Variants in PTPRD observed in about 807,000 individuals in gnomAD.
PTPRD encodes the protein protein tyrosine phosphatase receptor type D.
Under a neutral mutation model 214.5 loss-of-function variants are expected in PTPRD, and 34 were observed. That is an observed-to-expected ratio of 0.16 (90% CI 0.12 to 0.21). PTPRD has a LOEUF of 0.21. Ranked by LOEUF, PTPRD falls within the 10% of genes least tolerant of loss-of-function variation. The probability of loss-of-function intolerance (pLI) is 1.00; values close to 1 mark genes in which losing one functional copy is unlikely to be tolerated. For missense variants in PTPRD, 2,545 were observed against 2,398.7 expected (o/e 1.06, Z -1.27); for synonymous variants, 1,128 against 845.7 (o/e 1.33, Z -5.79).
In PTPRD at chr9:8,724,962, A is replaced by C. The variant is rs557753691; in HGVS notation, c.64+8818T>G. 5.9e-5 allele frequency among the ~76,000 whole-genome samples: 9 copies of C among 152,242 alleles called. No homozygotes were observed. The South Asian group carries it at 1.2e-3, about 21-fold the overall frequency. On this transcript the variant is annotated intron_variant, in intron 12 of 45. Coordinates refer to ENST00000381196, the MANE Select transcript of PTPRD (RefSeq NM_002839.4). The stretch of plus-strand genomic sequence containing the variant: ...CCAAAATAAATAATAATAATAGCTA[A>C]AAATAAGTGCATGTAAAAACTGGTA...
intron 3 of PTPRD, among the ~76,000 whole-genome samples, chr9:10,133,487 C>A (rs1044710129): frequency 6.6e-6 from 1 of 151,964 alleles, no homozygotes; most frequent in African/African-American, 2.4e-5. Flanking sequence ...AAAGCATATA[C>A]CTGTACGTTA....
intron 2 of PTPRD, among the ~76,000 whole-genome samples, chr9:10,579,688 C>A (rs997391449): frequency 1.3e-5 from 2 of 152,194 alleles, no homozygotes; most frequent in African/African-American, 4.8e-5. Context: ...AATCTCCAAA[C>A]TGCTTTCCAC....
At chr9:10,176,278 G>T (rs1432527300) in intron 3 of PTPRD, among the ~76,000 whole-genome samples, 1 of 148,382 alleles carries the variant, frequency 6.7e-6, no homozygotes, top group African/African-American at 2.5e-5. Context: ...TTTTTAATGT[G>T]TTTTTTTTTC....
At chr9:9,625,437 G>A (rs1215292587) in intron 7 of PTPRD, among the ~76,000 whole-genome samples, 3 of 152,102 alleles carry the variant, frequency 2.0e-5, no homozygotes, top group South Asian at 2.1e-4. Context: ...CCAGCGTCTG[G>A]GAGCTTCTGT....
chr9:8,946,878 T>C (rs2099067961), intron 11 of PTPRD, among the ~76,000 whole-genome samples: 1 of 151,824 alleles, frequency 6.6e-6, no homozygotes, highest in Non-Finnish European at 1.5e-5. Context: ...TTCTTAAGTC[T>C]CTCTCTTTTT....
At chr9:10,574,904 A>C (rs1404762493) in intron 2 of PTPRD, among the ~76,000 whole-genome samples, 1 of 151,548 alleles carries the variant, frequency 6.6e-6, no homozygotes, top group Non-Finnish European at 1.5e-5. Context: ...ATTTGTCTAC[A>C]AAAAAGAATT....
chr9:10,225,231 T>TA (rs1169196575), intron 3 of PTPRD, among the ~76,000 whole-genome samples: 1 of 151,930 alleles, frequency 6.6e-6, no homozygotes, highest in Non-Finnish European at 1.5e-5. Flanking sequence ...TATTTTATTT[T>TA]AAAAAATAGA....
chr9:10,504,277 A>T (rs1382814214), intron 2 of PTPRD, among the ~76,000 whole-genome samples: 1 of 152,032 alleles, frequency 6.6e-6, no homozygotes, highest in Non-Finnish European at 1.5e-5. Flanking sequence ...TAAAATGAAC[A>T]TCACTGCAAG....
chr9:10,190,496 T>A (rs1025150035), intron 3 of PTPRD, among the ~76,000 whole-genome samples: 4 of 145,862 alleles, frequency 2.7e-5, no homozygotes, highest in African/African-American at 1.0e-4. Flanking sequence ...GGCAGGTGGA[T>A]CACCTGAGGT....
intron 4 of PTPRD, among the ~76,000 whole-genome samples, chr9:9,960,558 A>G (rs1265275886): frequency 6.6e-6 from 1 of 152,120 alleles, no homozygotes; most frequent in Admixed American, 6.6e-5. Context: ...ATAGCATGAT[A>G]GCATGTACTT....
In PTPRD at chr9:9,893,187, G is replaced by A. The variant is rs144644195; in HGVS notation, c.-368+45320C>T. Among the ~76,000 whole-genome samples, 11 of 152,134 alleles carry A rather than the reference G, an allele frequency of 7.2e-5. No individual in the cohort carries two copies. The East Asian group carries it at 2.1e-3, about 29-fold the overall frequency. ...ATGGCTGCACACACTAAAGTACACA[G>A]ACTAGTGACACTACAAAGCAACCAC... is the stretch of plus-strand genomic sequence containing the variant. On this transcript the variant is annotated intron_variant, in intron 5 of 45. Transcript: ENST00000381196.
At chr9:8,636,998 T>G (rs1405740507) in intron 12 of PTPRD, among the ~76,000 whole-genome samples, 154 bp from the exon 13 acceptor site, 1 of 152,170 alleles carries the variant, frequency 6.6e-6, no homozygotes, top group African/African-American at 2.4e-5. Context: ...GAAAAGCATC[T>G]TTTACTTTTG....
intron 9 of PTPRD, among the ~76,000 whole-genome samples, chr9:9,216,429 C>G (rs2099952280): frequency 6.6e-6 from 1 of 152,128 alleles, no homozygotes; most frequent in South Asian, 2.1e-4. Context: ...TAATCCTGAG[C>G]CTAGGAATTT....
At chr9:9,947,563 TTTATATATATATTATATATATA>T (rs1208456120) in intron 4 of PTPRD, among the ~76,000 whole-genome samples, 4 of 41,086 alleles carry the variant, frequency 9.7e-5, no homozygotes, top group Non-Finnish European at 1.5e-4. Context: ...ATATATATAT[TTTATATATATATTATATATATA>T]TTATATATAT....
At chr9:10,377,998 G>T (rs933226212) in intron 2 of PTPRD, among the ~76,000 whole-genome samples, 7 of 151,990 alleles carry the variant, frequency 4.6e-5, no homozygotes, top group Non-Finnish European at 1.5e-5. Context: ...GTTCTCCATA[G>T]TGGTCGTATT....
At chr9:8,749,267 C>T (rs552653413) in intron 11 of PTPRD, among the ~76,000 whole-genome samples, 3 of 152,220 alleles carry the variant, frequency 2.0e-5, no homozygotes, top group South Asian at 2.1e-4. Flanking sequence ...CAGCAATTTC[C>T]GCCTCCGGGT....
chr9:9,500,828 A>G (rs1465234452), intron 8 of PTPRD, among the ~76,000 whole-genome samples: 1 of 152,072 alleles, frequency 6.6e-6, no homozygotes, highest in Non-Finnish European at 1.5e-5. Context: ...GTTACAATAG[A>G]TGTAGAATTG....
chr9:9,793,334 G>A (rs1330424885), intron 5 of PTPRD, among the ~76,000 whole-genome samples: 5 of 151,946 alleles, frequency 3.3e-5, no homozygotes, highest in African/African-American at 9.7e-5. Context: ...TTCCAATTAC[G>A]AAGACATAAT....
rs1253584867 is a variant in PTPRD, at chr9:9,888,946, A to G, written c.-368+49561T>C. On this transcript the variant is annotated intron_variant, in intron 5 of 45. Transcript: ENST00000381196. Reference sequence around the variant, plus strand: ...CTAACTGTTTAGAAAAATTTATGGTATTAGCACCCAAAAGTATGCTGAAAA... The same window carrying G: ...CTAACTGTTTAGAAAAATTTATGGTGTTAGCACCCAAAAGTATGCTGAAAA... Among the ~76,000 whole-genome samples the G allele has an allele frequency of 2.0e-5, 3 of 152,172 alleles. 1 individual carries two copies. The highest frequency in any genetic ancestry group is 4.4e-5 in the Non-Finnish European group (3 of 68,016).
Sources: allele counts gnomAD v4.1 joint callset (sites outside exome capture counted in the v4.1 genomes callset), GRCh38; gene constraint gnomAD v4.1.1; transcripts MANE v1.5; gene names NCBI Gene and HGNC (gene_info 2026-07-23, HGNC 2026-07-21).